The following PTPN20 variants were observed in gnomAD, a reference collection of about 807,000 sequenced individuals.
The protein encoded by PTPN20 is tyrosine-protein phosphatase non-receptor type 20.
A neutral mutation model predicts 35.0 loss-of-function variants in PTPN20; 9 were observed. That is an observed-to-expected ratio of 0.26 (90% confidence interval 0.15 to 0.45). The LOEUF (loss-of-function observed/expected upper bound fraction) is 0.45. Among genes scored for constraint, PTPN20 ranks in the 20% least tolerant of loss-of-function variants. The pLI is 1.00. For synonymous variants in PTPN20, 32 were observed against 100.2 expected (o/e 0.32, Z 4.06); for missense variants, 111 against 312.5 (o/e 0.36, Z 4.86).
chr10:47,000,941 G>C lies in PTPN20; in HGVS notation c.*200G>C, dbSNP rs971379770. The C allele has an allele frequency of 9.4e-6, 6 of 639,266 alleles. No individual in the cohort carries two copies. The Admixed American group carries it at 1.7e-4, about 18-fold the overall frequency. 39.6% of individuals were successfully genotyped at this position (639,266 alleles called of 1,614,324 possible). A position where few individuals can be genotyped will look rare whatever the true frequency, so the allele number is the denominator to read the frequency against. ...TGATCAGTGTTTACTTATTGATCTTGCTAGACAATATCAAAATAACTTCCC... is the reference window on the plus strand; with the variant it reads ...TGATCAGTGTTTACTTATTGATCTTCCTAGACAATATCAAAATAACTTCCC... On this transcript the variant is annotated 3_prime_UTR_variant, in exon 11 of 11. Coordinates refer to ENST00000374339, the MANE Select transcript of PTPN20 (RefSeq NM_001042357.5).
At chr10:47,003,526 T>C (rs2060136940), downstream of PTPN20, among the ~76,000 whole-genome samples, 1 of 151,210 alleles carries the variant, frequency 6.6e-6, no homozygotes, top group Admixed American at 6.6e-5. Flanking sequence ...AAGATAACTA[T>C]GTAAAAATTA....
intron 5 of PTPN20, among the ~76,000 whole-genome samples, chr10:46,959,214 T>C (rs1430149310): frequency 3.1e-5 from 4 of 128,474 alleles, no homozygotes; most frequent in African/African-American, 1.2e-4. Flanking sequence ...ATAACTGTTA[T>C]ATGTTCTTGC....
At chr10:46,940,502 G>A in intron 2 of PTPN20, 121 bp from the exon 3 acceptor site, 1 of 1,129,234 alleles carries the variant, frequency 8.9e-7, no homozygotes, top group Non-Finnish European at 1.3e-6. Context: ...GGGGTGTTTG[G>A]AAAACAGGAA....
intron 9 of PTPN20, among the ~76,000 whole-genome samples, chr10:46,999,581 G>A (rs2059745549): frequency 6.6e-6 from 1 of 152,174 alleles, no homozygotes; most frequent in African/African-American, 2.4e-5. Flanking sequence ...TATTGTTGGG[G>A]CCAGAGAAAG....
Position 47,001,086 on chromosome 10 carries a change from T to A in PTPN20, c.*345T>A. The A allele has an allele frequency of 3.2e-6, 1 of 313,100 alleles. No individual in the cohort carries two copies. The highest frequency in any genetic ancestry group is 3.5e-5 in the South Asian group (1 of 28,200). 19.4% of individuals were successfully genotyped at this position (313,100 alleles called of 1,614,324 possible). A position where few individuals can be genotyped will look rare whatever the true frequency, so the allele number is the denominator to read the frequency against. ...TTCATTAAGATTTTATTTGGAAAGG[T>A]GGCTGGAGAGAGCTGAGGATTTCCA... is the stretch of plus-strand genomic sequence containing the variant. On this transcript the variant is annotated 3_prime_UTR_variant, in exon 11 of 11. Transcript: ENST00000374339.
chr10:46,984,784 CTGTT>C (rs2056545340), intron 8 of PTPN20, among the ~76,000 whole-genome samples: 1 of 23,710 alleles, frequency 4.2e-5, no homozygotes, highest in Middle Eastern at 7.4e-3. Flanking sequence ...GGGAGAGTGA[CTGTT>C]GAAGTTGTCT....
intron 1 of PTPN20, among the ~76,000 whole-genome samples, chr10:46,932,144 T>C (rs1443953046): frequency 6.6e-6 from 1 of 150,820 alleles, no homozygotes; most frequent in African/African-American, 2.5e-5. Context: ...ACATATTTAT[T>C]TGTGGAATGC....
chr10:46,979,916 A>G (rs56249682), intron 7 of PTPN20, among the ~76,000 whole-genome samples: 13,536 of 144,542 alleles, frequency 0.094, 17 homozygotes, highest in African/African-American at 0.22. Context: ...CTATGTTGTA[A>G]TTTAGTTCTC....
chr10:46,953,839 T>A (rs2047591653), intron 5 of PTPN20, among the ~76,000 whole-genome samples: 1 of 145,956 alleles, frequency 6.9e-6, no homozygotes, highest in Admixed American at 6.8e-5. Flanking sequence ...TTTTTTGTGT[T>A]TATGTTCATG....
intron 1 of PTPN20, chr10:46,920,817 G>A (rs1247692977): frequency 1.7e-5 from 2 of 116,044 alleles, no homozygotes; most frequent in African/African-American, 4.3e-5. Flanking sequence ...GGGATAGCCA[G>A]TAGCAAGAGG....
At chr10:46,995,926 G>A (rs1004652485) in intron 9 of PTPN20, among the ~76,000 whole-genome samples, 3 of 152,024 alleles carry the variant, frequency 2.0e-5, no homozygotes, top group South Asian at 2.1e-4. Context: ...TCTTCTCCTC[G>A]TATTTGATTT....
At chr10:46,924,782 A>ATT (rs543864992) in intron 1 of PTPN20, among the ~76,000 whole-genome samples, 1 of 102,274 alleles carries the variant, frequency 9.8e-6, no homozygotes, top group African/African-American at 4.4e-5. Flanking sequence ...TTTTCCAAGA[A>ATT]TTTTTTTTTT....
rs143702443 is a variant in PTPN20, at chr10:46,993,473, G to A, written c.1134+5918G>A. On this transcript the variant is annotated intron_variant, in intron 9 of 10. Coordinates refer to ENST00000374339, the MANE Select transcript of PTPN20 (RefSeq NM_001042357.5). ...TAGGTCAGGGGTGTGAGATCTCCAG[G>A]CAGGGCGGTGTTGCCGTGGGTGTAT... Among the ~76,000 whole-genome samples the A allele has an allele frequency of 2.3e-3, 345 of 152,286 alleles. 1 individual carries two copies. The highest frequency in any genetic ancestry group is 0.014 in the Middle Eastern group (4 of 294).
intron 7 of PTPN20, among the ~76,000 whole-genome samples, chr10:46,975,662 C>CT (rs1344084956): frequency 5.0e-4 from 73 of 147,000 alleles, no homozygotes; most frequent in African/African-American, 1.2e-3. Flanking sequence ...TTCAAGAAAC[C>CT]TTTTTTTTTT....
intron 9 of PTPN20, among the ~76,000 whole-genome samples, chr10:46,998,349 T>G (rs940169779): frequency 2.6e-5 from 4 of 152,168 alleles, no homozygotes; most frequent in Admixed American, 2.6e-4. Context: ...TCCAAGTTAT[T>G]CTGGGTGGGA....
At chr10:46,975,530 A>G (rs2053256311) in intron 7 of PTPN20, among the ~76,000 whole-genome samples, 1 of 151,816 alleles carries the variant, frequency 6.6e-6, no homozygotes, top group Non-Finnish European at 1.5e-5. Context: ...GTCCTTGTTT[A>G]CAGAAAGGCT....
At chr10:46,998,650 C>T (rs959063102) in intron 9 of PTPN20, among the ~76,000 whole-genome samples, 53 of 152,244 alleles carry the variant, frequency 3.5e-4, no homozygotes, top group African/African-American at 1.2e-3. Context: ...CTCACACACT[C>T]ACTAACAGTT....
At chr10:46,925,522 CT>C (rs1271555570) in intron 1 of PTPN20, among the ~76,000 whole-genome samples, 49,340 of 133,978 alleles carry the variant, frequency 0.37, 9,212 homozygotes, top group Middle Eastern at 0.46. Flanking sequence ...GCTGCTTCCT[CT>C]TTTTTTTTTT....
At chr10:46,989,289 C>T (rs1231964464) in intron 9 of PTPN20, among the ~76,000 whole-genome samples, 1 of 85,698 alleles carries the variant, frequency 1.2e-5, no homozygotes, top group Non-Finnish European at 2.2e-5. Context: ...TGTCATATAT[C>T]GTCTTTATTG....
Sources: gnomAD v4.1 joint callset for allele counts (sites outside exome capture counted in the v4.1 genomes callset) on GRCh38, gnomAD v4.1.1 for gene constraint, MANE v1.5 for transcripts, NCBI Gene and HGNC (gene_info 2026-07-23, HGNC 2026-07-21) for gene names.